Variants in PIK3AP1 observed in about 807,000 individuals in gnomAD.
The protein encoded by PIK3AP1 is phosphoinositide 3-kinase adapter protein 1.
Under a neutral mutation model 88.1 loss-of-function variants are expected in PIK3AP1, and 21 were observed. That is an observed-to-expected ratio of 0.24 (90% confidence interval 0.17 to 0.34). The LOEUF (loss-of-function observed/expected upper bound fraction) is 0.34. Ranked by LOEUF, PIK3AP1 falls within the 10% of genes least tolerant of loss-of-function variation. The pLI is 1.00. For synonymous variants in PIK3AP1, 398 were observed against 400.0 expected, an observed-to-expected ratio of 1.00 and a Z score of 0.06; for missense variants, 828 against 1,035.7, an observed-to-expected ratio of 0.80 and a Z score of 2.75.
chr10:96,706,335 GT>G (rs938484018), intron 2 of PIK3AP1, among the ~76,000 whole-genome samples: 25 of 152,302 alleles, frequency 1.6e-4, no homozygotes, highest in African/African-American at 6.0e-4. Context: ...TTATTTTGAG[GT>G]ACCTTAGGAA....
At chr10:96,709,536 G>C in intron 2 of PIK3AP1, 31 bp downstream of exon 2, 1 of 1,565,664 alleles carries the variant, frequency 6.4e-7, no homozygotes, top group Non-Finnish European at 8.7e-7. Flanking sequence ...AACTTTTCTA[G>C]GGCTTGCTTA....
chr10:96,652,898 T>C (rs1434623669), intron 3 of PIK3AP1, 56 bp from the exon 4 acceptor site: 6 of 1,584,226 alleles, frequency 3.8e-6, no homozygotes, highest in Non-Finnish European at 5.1e-6. Flanking sequence ...CGTAGGGTGT[T>C]GGGCCCAAGG....
intron 2 of PIK3AP1, among the ~76,000 whole-genome samples, chr10:96,680,970 C>A (rs183177181): frequency 8.5e-5 from 13 of 152,322 alleles, no homozygotes; most frequent in Admixed American, 2.6e-4. Flanking sequence ...GAGTGTTATC[C>A]ATCAATAAAT....
intron 2 of PIK3AP1, among the ~76,000 whole-genome samples, chr10:96,687,663 T>C (rs1456542138): frequency 6.6e-6 from 1 of 152,166 alleles, no homozygotes; most frequent in Non-Finnish European, 1.5e-5. Context: ...CGTACACGTA[T>C]CTCTTGCTTT....
chr10:96,638,612 T>C (rs561187404), intron 8 of PIK3AP1, among the ~76,000 whole-genome samples: 1 of 152,330 alleles, frequency 6.6e-6, no homozygotes, highest in East Asian at 1.9e-4. Context: ...GGTTTTCTTA[T>C]GCAGACAAAT....
chr10:96,696,259 A>G (rs1844220042), intron 2 of PIK3AP1, among the ~76,000 whole-genome samples: 1 of 152,204 alleles, frequency 6.6e-6, no homozygotes, highest in South Asian at 2.1e-4. Flanking sequence ...AAAGTCCCCA[A>G]GTTTTTCCCC....
intron 6 of PIK3AP1, among the ~76,000 whole-genome samples, chr10:96,649,092 G>A (rs537784255): frequency 6.6e-6 from 1 of 152,252 alleles, no homozygotes; most frequent in South Asian, 2.1e-4. Context: ...TGTCACCCAG[G>A]CTGGAGTGCA....
intron 14 of PIK3AP1, among the ~76,000 whole-genome samples, chr10:96,608,146 C>CA (rs1455984077): frequency 6.6e-6 from 1 of 152,184 alleles, no homozygotes; most frequent in Non-Finnish European, 1.5e-5. Flanking sequence ...AAAATCTATT[C>CA]AATTACTCTG....
rs111463173 is a variant in PIK3AP1 at position 96,665,357 on chromosome 10, C to A, written c.431-8423G>T. On this transcript the variant is annotated intron_variant, in intron 2 of 16. Coordinates refer to ENST00000339364, the MANE Select transcript of PIK3AP1 (RefSeq NM_152309.3). ...TCTCTTATCAGATAAAAGGAACGAG[C>A]GAACATTGGTATATTTCACCTTTGG... Among the ~76,000 whole-genome samples the A allele has an allele frequency of 6.9e-3, 1,050 of 152,304 alleles. 9 individuals carry two copies. Among genetic ancestry groups the A allele is most frequent in the African/African-American group, 0.024 (991 of 41,552 alleles).
At chr10:96,691,573 G>T (rs1446899847) in intron 2 of PIK3AP1, among the ~76,000 whole-genome samples, 1 of 152,160 alleles carries the variant, frequency 6.6e-6, no homozygotes, top group East Asian at 1.9e-4. Flanking sequence ...AATGTTATAC[G>T]TTGGACTGGG....
chr10:96,629,909 CA>C lies in PIK3AP1; in HGVS notation c.1376-1417del, dbSNP rs66669261. Among the ~76,000 whole-genome samples the C allele has an allele frequency of 3.3e-3, 18 of 5,414 alleles. 2 individuals are homozygous for C. In the East Asian group the frequency reaches 0.082, roughly 25 times the overall value. The allele number at this position is 5,414 out of a possible 152,430, so 3.6% of individuals were successfully genotyped here. On this transcript the variant is annotated intron_variant, in intron 8 of 16. Transcript: ENST00000339364. ...ACCCTGTCTCAATAACAACAACAAC[CA>C]AAAAAAAAAAAAAAAAAAAAAAGAA...
At chr10:96,595,820 A>G (rs935982018) in intron 16 of PIK3AP1, among the ~76,000 whole-genome samples, 186 bp from the exon 17 acceptor site, 6 of 152,206 alleles carry the variant, frequency 3.9e-5, no homozygotes, top group African/African-American at 1.4e-4. Flanking sequence ...GCGGCACATT[A>G]GAAACACCAG....
intron 3 of PIK3AP1, among the ~76,000 whole-genome samples, 174 bp from the exon 4 acceptor site, chr10:96,653,016 G>A (rs1056942571): frequency 2.0e-5 from 3 of 152,070 alleles, no homozygotes; most frequent in Non-Finnish European, 2.9e-5. Context: ...CAGTCCCAAC[G>A]AGACAAGTCA....
intron 8 of PIK3AP1, 49 bp downstream of exon 8, chr10:96,645,424 G>A (rs759346207): frequency 6.3e-7 from 1 of 1,587,268 alleles, no homozygotes; most frequent in Non-Finnish European, 8.6e-7. Flanking sequence ...AATGAAAAAA[G>A]CTGTTTCTCA....
intron 16 of PIK3AP1, among the ~76,000 whole-genome samples, chr10:96,597,361 T>C (rs866065021): frequency 0.021 from 1,977 of 93,614 alleles, 117 homozygotes; most frequent in African/African-American, 0.083. Flanking sequence ...CCTCCCTCTC[T>C]CTCTCTCTCT....
chr10:96,599,519 C>T lies in PIK3AP1; in HGVS notation c.2360+2761G>A, dbSNP rs116660611. ...GGGATGGAGTGGGATGGAGGCTGTA[C>T]TACCAGTGCTGTTTGGTTTGGGCCA... On this transcript the variant is annotated intron_variant, in intron 16 of 16. Transcript: ENST00000339364. Among the ~76,000 whole-genome samples, 325 of 152,212 alleles carry T rather than the reference C, an allele frequency of 2.1e-3. 4 individuals are homozygous for T. The highest frequency in any genetic ancestry group is 7.5e-3 in the African/African-American group (313 of 41,522).
chr10:96,618,799 G>A (rs936683093), intron 12 of PIK3AP1: 4 of 152,210 alleles, frequency 2.6e-5, no homozygotes, highest in Admixed American at 1.3e-4. Flanking sequence ...ACTGTGCCAC[G>A]TGGTTGCACA....
At chr10:96,701,025 A>C in intron 2 of PIK3AP1, 1 of 272,372 alleles carries the variant, frequency 3.7e-6, no homozygotes, top group Non-Finnish European at 5.6e-6. Context: ...AAGACAAGAC[A>C]CCAGGCATGG....
chr10:96,627,310 C>G (rs1843167251), intron 9 of PIK3AP1, among the ~76,000 whole-genome samples: 3 of 152,186 alleles, frequency 2.0e-5, no homozygotes, highest in Admixed American at 2.0e-4. Flanking sequence ...AAACAGACTG[C>G]CCAAGACTCC....
Sources: allele counts gnomAD v4.1 joint callset (sites outside exome capture counted in the v4.1 genomes callset), GRCh38; gene constraint gnomAD v4.1.1; transcripts MANE v1.5; gene names NCBI Gene and HGNC (gene_info 2026-07-23, HGNC 2026-07-21).